The following FSTL4 variants were observed in gnomAD, a reference collection of about 807,000 sequenced individuals.
FSTL4 encodes follistatin like 4.
A neutral mutation model predicts 78.2 loss-of-function variants in FSTL4; 28 were observed. The ratio of observed to expected loss-of-function variants is 0.36; its 90% CI spans 0.27 to 0.49. FSTL4 has a LOEUF of 0.49. Among genes scored for constraint, FSTL4 ranks in the 20% least tolerant of loss-of-function variants. The pLI, the probability that FSTL4 is intolerant of heterozygous loss-of-function variation, is 0.98. For missense variants in FSTL4, 922 were observed against 1,084.9 expected, an observed-to-expected ratio of 0.85 and a Z score of 2.11; for synonymous variants, 422 against 440.5, an observed-to-expected ratio of 0.96 and a Z score of 0.53.
At chr5:133,240,702 T>A (rs1434043239) in intron 7 of FSTL4, among the ~76,000 whole-genome samples, 3 of 152,222 alleles carry the variant, frequency 2.0e-5, no homozygotes, top group African/African-American at 7.2e-5. Context: ...GACTCATCTC[T>A]TTGTGCATGA....
At chr5:133,623,409 C>A in the FSTL4 span, among the ~76,000 whole-genome samples, 1 of 151,970 alleles carries the variant, frequency 6.6e-6, no homozygotes, top group Non-Finnish European at 1.5e-5. Flanking sequence ...AAGAACTATC[C>A]CTATGACAAT....
At chr5:133,374,723 ATCTCTC>A (rs111630345) in intron 4 of FSTL4, among the ~76,000 whole-genome samples, 1 of 148,892 alleles carries the variant, frequency 6.7e-6, no homozygotes, top group African/African-American at 2.5e-5. Context: ...GGAAGAGATG[ATCTCTC>A]TCTCTCTCTC....
chr5:133,271,236 G>A (rs1041518714), intron 6 of FSTL4, among the ~76,000 whole-genome samples: 6 of 152,334 alleles, frequency 3.9e-5, no homozygotes, highest in African/African-American at 1.2e-4. Context: ...GACAATTGTA[G>A]TGCTTTATCT....
chr5:133,839,723 G>T, the FSTL4 span, among the ~76,000 whole-genome samples: 34 of 152,312 alleles, frequency 2.2e-4, no homozygotes, highest in East Asian at 3.1e-3. Flanking sequence ...ATGGCTGAGC[G>T]CCCCTTTGCT....
chr5:133,702,705 C>T, the FSTL4 span, among the ~76,000 whole-genome samples: 3 of 152,184 alleles, frequency 2.0e-5, no homozygotes, highest in Non-Finnish European at 4.4e-5. Flanking sequence ...AATCCTTCTT[C>T]TAGAAGTGGA....
At chr5:133,393,162 T>C (rs1162485800) in intron 4 of FSTL4, among the ~76,000 whole-genome samples, 2 of 151,066 alleles carry the variant, frequency 1.3e-5, no homozygotes, top group Admixed American at 6.7e-5. Context: ...TTCAGTGAAG[T>C]CCTAGTTGTT....
intron 6 of FSTL4, among the ~76,000 whole-genome samples, chr5:133,279,045 T>A (rs1282843697): frequency 6.6e-6 from 1 of 152,214 alleles, no homozygotes; most frequent in Non-Finnish European, 1.5e-5. Flanking sequence ...TGGTTGCAAC[T>A]CAAATGCTGC....
At chr5:133,432,070 GTAAGTA>G (rs1359119741) in intron 3 of FSTL4, among the ~76,000 whole-genome samples, 2 of 152,124 alleles carry the variant, frequency 1.3e-5, no homozygotes, top group Admixed American at 1.3e-4. Context: ...GACAGAGGGT[GTAAGTA>G]TAAGTTGTCA....
At chr5:133,275,808 G>A (rs1409585521) in intron 6 of FSTL4, 1 of 152,244 alleles carries the variant, frequency 6.6e-6, no homozygotes, top group Non-Finnish European at 1.5e-5. Flanking sequence ...GGTCTGAATG[G>A]AGAAAGAAGC....
intron 3 of FSTL4, among the ~76,000 whole-genome samples, chr5:133,529,354 A>G (rs1292154935): frequency 2.0e-5 from 3 of 152,194 alleles, no homozygotes; most frequent in Admixed American, 1.3e-4. Flanking sequence ...ATTCATCACA[A>G]GGTATTTTAT....
At chr5:133,715,086 T>C in the FSTL4 span, among the ~76,000 whole-genome samples, 15 of 152,250 alleles carry the variant, frequency 9.9e-5, no homozygotes, top group Non-Finnish European at 2.2e-4. Flanking sequence ...TATGAAAATT[T>C]TGTCCTGAAC....
At chr5:133,351,989 T>C (rs1395812548) in intron 4 of FSTL4, among the ~76,000 whole-genome samples, 1 of 151,798 alleles carries the variant, frequency 6.6e-6, no homozygotes, top group Non-Finnish European at 1.5e-5. Flanking sequence ...TTTTGAAGAG[T>C]ATTTAGATCT....
chr5:133,491,443 A>G (rs1758264730), intron 3 of FSTL4, among the ~76,000 whole-genome samples: 1 of 147,750 alleles, frequency 6.8e-6, no homozygotes, highest in Non-Finnish European at 1.5e-5. Context: ...TCTGCTGCCC[A>G]GGCTGGAGTG....
chr5:133,401,833 T>A, intron 3 of FSTL4, among the ~76,000 whole-genome samples: 1 of 152,078 alleles, frequency 6.6e-6, no homozygotes, highest in South Asian at 2.1e-4. Flanking sequence ...GGTAGAAGAC[T>A]AGATGTGAGT....
intron 4 of FSTL4, among the ~76,000 whole-genome samples, chr5:133,382,812 A>G (rs1191645215): frequency 6.6e-6 from 1 of 152,204 alleles, no homozygotes; most frequent in Non-Finnish European, 1.5e-5. Flanking sequence ...CTTGTTTTAG[A>G]TATGTGTAGG....
the FSTL4 span, among the ~76,000 whole-genome samples, chr5:133,751,376 A>T: frequency 6.6e-6 from 1 of 152,220 alleles, no homozygotes; most frequent in Non-Finnish European, 1.5e-5. Context: ...ACCATTTGTC[A>T]TTCCAGTGGC....
the FSTL4 span, among the ~76,000 whole-genome samples, chr5:133,754,597 G>A: frequency 1.3e-5 from 2 of 152,178 alleles, no homozygotes; most frequent in South Asian, 4.2e-4. Context: ...AGACAGGATA[G>A]AAAACTGATG....
At chr5:133,227,295 T>G (rs981493465) in intron 8 of FSTL4, among the ~76,000 whole-genome samples, 4 of 151,784 alleles carry the variant, frequency 2.6e-5, no homozygotes, top group Admixed American at 6.6e-5. Context: ...CCACTAGGGG[T>G]GGAGGAGGTC....
the FSTL4 span, among the ~76,000 whole-genome samples, chr5:133,670,830 G>C: frequency 3.3e-5 from 5 of 152,188 alleles, no homozygotes; most frequent in African/African-American, 1.2e-4. Flanking sequence ...AGAAGGATGT[G>C]AATAATTTTG....
Sources: gnomAD v4.1 joint callset for allele counts (sites outside exome capture counted in the v4.1 genomes callset) on GRCh38, gnomAD v4.1.1 for gene constraint, MANE v1.5 for transcripts, NCBI Gene and HGNC (gene_info 2026-07-23, HGNC 2026-07-21) for gene names.